KDM6A: variants seen among roughly 807,000 people sequenced by gnomAD.
KDM6A encodes the protein lysine-specific demethylase 6A.
In KDM6A, 11 loss-of-function variants were observed where a neutral mutation model predicts 117.6. That is an observed-to-expected ratio of 0.09 (90% CI 0.06 to 0.15). KDM6A has a LOEUF of 0.15. Among genes scored for constraint, KDM6A ranks in the 10% least tolerant of loss-of-function variants. The probability of loss-of-function intolerance (pLI) is 1.00; values close to 1 mark genes in which losing one functional copy is unlikely to be tolerated. For synonymous variants in KDM6A, 384 were observed against 396.1 expected (o/e 0.97, Z 0.36); for missense variants, 799 against 1,077.3 (o/e 0.74, Z 3.62).
chrX:44,969,084 T>TA (rs1290415446), intron 3 of KDM6A, among the ~76,000 whole-genome samples: 1 of 110,762 alleles, frequency 9.0e-6, no homozygotes, highest in Non-Finnish European at 1.9e-5. Flanking sequence ...ACTTCAGAAG[T>TA]AAAAAATTAG....
At chrX:44,992,906 C>T (rs1399234823) in intron 4 of KDM6A, among the ~76,000 whole-genome samples, 1 of 111,845 alleles carries the variant, frequency 8.9e-6, no homozygotes, top group East Asian at 2.8e-4. Context: ...TCTTCATTGG[C>T]TGGGTGGTAG....
intron 2 of KDM6A, among the ~76,000 whole-genome samples, chrX:44,890,553 C>T (rs1181490060): frequency 2.9e-5 from 3 of 103,285 alleles, no homozygotes; most frequent in East Asian, 6.3e-4. Flanking sequence ...GGTGTTCATG[C>T]TGTTTTTATT....
chrX:45,031,377 C>T (rs910858586), intron 6 of KDM6A, among the ~76,000 whole-genome samples: 1 of 112,092 alleles, frequency 8.9e-6, no homozygotes, highest in African/African-American at 3.3e-5. Flanking sequence ...CCTAAAATGC[C>T]ATGTTTCTAC....
chrX:44,951,596 C>T (rs988211022), intron 2 of KDM6A, among the ~76,000 whole-genome samples: 10 of 110,288 alleles, frequency 9.1e-5, no homozygotes, highest in East Asian at 2.8e-4. Flanking sequence ...TAAAGAGGGG[C>T]GAAAAAATAT....
At chrX:44,884,396 G>T (rs964513135) in intron 2 of KDM6A, among the ~76,000 whole-genome samples, 1 of 111,192 alleles carries the variant, frequency 9.0e-6, no homozygotes, top group Admixed American at 9.7e-5. Flanking sequence ...GTACCGATGG[G>T]TAGATAGCAA....
chrX:45,012,696 T>C (rs979034720), intron 5 of KDM6A, among the ~76,000 whole-genome samples: 1 of 111,726 alleles, frequency 9.0e-6, no homozygotes, highest in African/African-American at 3.3e-5. Flanking sequence ...ACAGTGATTT[T>C]ATATGGTTTC....
chrX:45,027,336 A>AACACAC (rs200245833), intron 6 of KDM6A, among the ~76,000 whole-genome samples: 1,354 of 98,127 alleles, frequency 0.014, 16 homozygotes, highest in African/African-American at 0.041. Context: ...CATAGTGTGA[A>AACACAC]ACACACACAC....
At chrX:45,016,918 T>TA (rs1449194130) in intron 5 of KDM6A, among the ~76,000 whole-genome samples, 1 of 112,052 alleles carries the variant, frequency 8.9e-6, no homozygotes, top group East Asian at 2.8e-4. Flanking sequence ...GAAGTCTTAT[T>TA]AAAAATGACC....
chrX:44,991,936 G>A (rs1425446775), intron 4 of KDM6A, among the ~76,000 whole-genome samples: 12 of 110,614 alleles, frequency 1.1e-4, no homozygotes, highest in Admixed American at 3.9e-4. Context: ...TGATCCGCCC[G>A]CCTCAGCCTC....
At chrX:44,927,774 A>C (rs1205589666) in intron 2 of KDM6A, among the ~76,000 whole-genome samples, 2 of 111,816 alleles carry the variant, frequency 1.8e-5, no homozygotes, top group Non-Finnish European at 3.8e-5. Context: ...ATACTGACCT[A>C]GGAGTGACTT....
intron 9 of KDM6A, 120 bp downstream of exon 9, chrX:45,051,922 T>C: frequency 2.2e-6 from 1 of 460,439 alleles, no homozygotes; most frequent in Non-Finnish European, 3.8e-6. Flanking sequence ...GATAAAATTA[T>C]TCTGAACCCA....
intron 2 of KDM6A, among the ~76,000 whole-genome samples, chrX:44,896,240 A>AT (rs1164735050): frequency 9.2e-6 from 1 of 108,710 alleles, no homozygotes; most frequent in African/African-American, 3.4e-5. Context: ...CGCCCAGCTA[A>AT]TTTTTTTGTA....
intron 4 of KDM6A, among the ~76,000 whole-genome samples, chrX:44,995,716 C>T (rs2040834193): frequency 9.0e-6 from 1 of 111,583 alleles, no homozygotes; most frequent in South Asian, 3.8e-4. Flanking sequence ...GATCCACCTG[C>T]CTCAGTCTCC....
chrX:44,907,468 TG>T (rs2034771130), intron 2 of KDM6A, among the ~76,000 whole-genome samples: 1 of 93,938 alleles, frequency 1.1e-5, no homozygotes, highest in African/African-American at 4.9e-5. Flanking sequence ...TGTGTGTGTG[TG>T]GTTTTTTTTT....
At chrX:45,041,948 C>T (rs2043247487) in intron 8 of KDM6A, among the ~76,000 whole-genome samples, 1 of 109,944 alleles carries the variant, frequency 9.1e-6, no homozygotes, top group African/African-American at 3.3e-5. Flanking sequence ...CCACTGCACT[C>T]CAGCCTGGGC....
intron 2 of KDM6A, among the ~76,000 whole-genome samples, chrX:44,886,294 C>T (rs772606965): frequency 3.6e-5 from 4 of 110,568 alleles, no homozygotes; most frequent in South Asian, 3.8e-4. Context: ...GTGATCCGCC[C>T]GCCTTGGCCC....
chrX:45,085,205 A>G (rs184304624), intron 24 of KDM6A, among the ~76,000 whole-genome samples: 2 of 111,875 alleles, frequency 1.8e-5, no homozygotes, highest in East Asian at 5.6e-4. Context: ...TGGGGTAAAC[A>G]CTGTTCCTGG....
chrX:44,997,200 C>T (rs1321316757), intron 4 of KDM6A, among the ~76,000 whole-genome samples: 2 of 112,515 alleles, frequency 1.8e-5, no homozygotes, highest in Non-Finnish European at 3.8e-5. Context: ...TTTCCTGTAT[C>T]CCGGGTTCTT....
intron 2 of KDM6A, among the ~76,000 whole-genome samples, chrX:44,900,936 T>A (rs751772688): frequency 1.1e-4 from 12 of 112,647 alleles, no homozygotes; most frequent in Non-Finnish European, 2.1e-4. Flanking sequence ...AATAATAATA[T>A]TCTGCATTTT....
Sources: allele counts gnomAD v4.1 joint callset (sites outside exome capture counted in the v4.1 genomes callset), GRCh38; gene constraint gnomAD v4.1.1; transcripts MANE v1.5; gene names NCBI Gene and HGNC (gene_info 2026-07-23, HGNC 2026-07-21).